The following CHSY3 variants were observed in gnomAD, a reference collection of about 807,000 sequenced individuals.
The protein encoded by CHSY3 is N-acetylgalactosaminyl-proteoglycan 3-beta-glucuronosyltransferase 3.
A neutral mutation model predicts 67.2 loss-of-function variants in CHSY3; 35 were observed. The observed-to-expected ratio is 0.52, with a 90% CI of 0.40 to 0.69. CHSY3 has a LOEUF of 0.69. CHSY3 is among the 30% of genes least tolerant of loss of function. The pLI is 0.00. For synonymous variants in CHSY3, 474 were observed against 434.7 expected (o/e 1.09, Z -1.12); for missense variants, 1,069 against 1,138.5 (o/e 0.94, Z 0.88).
At chr5:130,097,393 C>G (rs574558927) in intron 2 of CHSY3, among the ~76,000 whole-genome samples, 112 of 152,314 alleles carry the variant, frequency 7.4e-4, no homozygotes, top group African/African-American at 2.5e-3. Flanking sequence ...AAGAGCAGTT[C>G]AAACACTGGC....
At chr5:130,040,223 A>G (rs889703938) in intron 2 of CHSY3, among the ~76,000 whole-genome samples, 5 of 152,096 alleles carry the variant, frequency 3.3e-5, no homozygotes, top group African/African-American at 4.8e-5. Context: ...TTCCATTTTC[A>G]GCCACTAATC....
At chr5:130,118,493 G>A (rs1767896781) in intron 2 of CHSY3, among the ~76,000 whole-genome samples, 1 of 150,256 alleles carries the variant, frequency 6.7e-6, no homozygotes, top group Non-Finnish European at 1.5e-5. Flanking sequence ...GTATATATGT[G>A]TGTGTGTGTA....
At chr5:130,091,143 C>CAT (rs1766867692) in intron 2 of CHSY3, among the ~76,000 whole-genome samples, 1 of 117,410 alleles carries the variant, frequency 8.5e-6, no homozygotes, top group African/African-American at 3.5e-5. Flanking sequence ...CACGCACACG[C>CAT]GCGCACACAC....
At chr5:130,157,005 T>C (rs1341766869) in intron 2 of CHSY3, among the ~76,000 whole-genome samples, 2 of 152,158 alleles carry the variant, frequency 1.3e-5, no homozygotes, top group African/African-American at 4.8e-5. Flanking sequence ...CTTGGCTGGT[T>C]TGAGGTGAGG....
intron 2 of CHSY3, among the ~76,000 whole-genome samples, chr5:130,088,701 T>A (rs1580721911): frequency 6.6e-6 from 1 of 152,046 alleles, no homozygotes; most frequent in African/African-American, 2.4e-5. Flanking sequence ...AGAATGGCAA[T>A]CATTAAAAAG....
intron 2 of CHSY3, among the ~76,000 whole-genome samples, chr5:130,010,592 C>A (rs952126330): frequency 6.6e-6 from 1 of 152,188 alleles, no homozygotes; most frequent in East Asian, 1.9e-4. Flanking sequence ...GAAACAAGAG[C>A]AAACAAAGCC....
intron 2 of CHSY3, among the ~76,000 whole-genome samples, chr5:129,962,631 TG>T (rs1457204486): frequency 6.6e-6 from 1 of 152,072 alleles, no homozygotes; most frequent in Non-Finnish European, 1.5e-5. Context: ...TGTGTGCTTT[TG>T]CAGCTCTGTC....
At chr5:130,040,974 T>C (rs147537149) in intron 2 of CHSY3, among the ~76,000 whole-genome samples, 32 of 152,192 alleles carry the variant, frequency 2.1e-4, no homozygotes, top group African/African-American at 7.5e-4. Context: ...CAAATTAGTA[T>C]TGATGAACAG....
chr5:130,103,703 G>A (rs1272834341), intron 2 of CHSY3, among the ~76,000 whole-genome samples: 3 of 151,862 alleles, frequency 2.0e-5, no homozygotes, highest in East Asian at 1.9e-4. Flanking sequence ...GCACATAAAC[G>A]TTTTACTACT....
At chr5:130,100,125 G>C (rs569715149) in intron 2 of CHSY3, among the ~76,000 whole-genome samples, 1 of 152,248 alleles carries the variant, frequency 6.6e-6, no homozygotes, top group South Asian at 2.1e-4. Flanking sequence ...TAAGGTATGG[G>C]AATATTCATA....
chr5:130,149,591 G>A (rs1769175571), intron 2 of CHSY3, among the ~76,000 whole-genome samples: 1 of 152,108 alleles, frequency 6.6e-6, no homozygotes, highest in Admixed American at 6.6e-5. Flanking sequence ...CCAGCATTGG[G>A]GATTGAAATT....
At chr5:130,108,333 G>A (rs529065101) in intron 2 of CHSY3, among the ~76,000 whole-genome samples, 5 of 151,466 alleles carry the variant, frequency 3.3e-5, no homozygotes, top group Non-Finnish European at 5.9e-5. Context: ...ATCCTCCTGC[G>A]TTAGTGTTTT....
At chr5:129,916,776 G>C (rs1241394993) in intron 2 of CHSY3, among the ~76,000 whole-genome samples, 1 of 152,094 alleles carries the variant, frequency 6.6e-6, no homozygotes, top group Non-Finnish European at 1.5e-5. Context: ...TGCCTTCCTT[G>C]TCTTCATGGA....
intron 2 of CHSY3, among the ~76,000 whole-genome samples, chr5:130,165,772 T>A (rs1769728658): frequency 6.6e-6 from 1 of 152,088 alleles, no homozygotes; most frequent in African/African-American, 2.4e-5. Flanking sequence ...GAGGTAGGTA[T>A]GGATCTAAAT....
chr5:130,071,068 G>A (rs144860142), intron 2 of CHSY3, among the ~76,000 whole-genome samples: 1 of 151,888 alleles, frequency 6.6e-6, no homozygotes, highest in Non-Finnish European at 1.5e-5. Context: ...AGATAGAGAT[G>A]TTTTTTCGAG....
intron 2 of CHSY3, among the ~76,000 whole-genome samples, chr5:130,004,941 T>C (rs2149642020): frequency 6.6e-6 from 1 of 152,322 alleles, no homozygotes; most frequent in Non-Finnish European, 1.5e-5. Flanking sequence ...AATAAAGTGA[T>C]GAACTAAGTG....
At chr5:130,138,815 A>G (rs2149717903) in intron 2 of CHSY3, among the ~76,000 whole-genome samples, 1 of 152,318 alleles carries the variant, frequency 6.6e-6, no homozygotes, top group African/African-American at 2.4e-5. Context: ...GTTGGACCCA[A>G]ATCCCTTTTG....
At chr5:130,016,155 G>A (rs185524659) in intron 2 of CHSY3, among the ~76,000 whole-genome samples, 2 of 152,176 alleles carry the variant, frequency 1.3e-5, no homozygotes, top group African/African-American at 4.8e-5. Context: ...TGGTGATGGA[G>A]TAATTTTACA....
At chr5:130,079,019 A>G (rs1378175611) in intron 2 of CHSY3, among the ~76,000 whole-genome samples, 3 of 152,164 alleles carry the variant, frequency 2.0e-5, no homozygotes, top group Non-Finnish European at 4.4e-5. Flanking sequence ...AAAGGTTATT[A>G]TGAGGATTGA....
Sources: allele counts gnomAD v4.1 joint callset (sites outside exome capture counted in the v4.1 genomes callset), GRCh38; gene constraint gnomAD v4.1.1; transcripts MANE v1.5; gene names NCBI Gene and HGNC (gene_info 2026-07-23, HGNC 2026-07-21).